PHF11: variants seen among roughly 807,000 people sequenced by gnomAD.
The protein encoded by PHF11 is BRCA1 C-terminus-associated protein.
A neutral mutation model predicts 40.5 loss-of-function variants in PHF11; 38 were observed. The ratio of observed to expected loss-of-function variants is 0.94; its 90% CI spans 0.72 to 1.23. PHF11 has a LOEUF of 1.23. Ranked by LOEUF, PHF11 falls within the 50% of genes most tolerant of loss-of-function variation. The probability of loss-of-function intolerance (pLI) is 0.00; values close to 1 mark genes in which losing one functional copy is unlikely to be tolerated. For missense variants in PHF11, 369 were observed against 392.4 expected, an observed-to-expected ratio of 0.94 and a Z score of 0.50; for synonymous variants, 127 against 138.2, an observed-to-expected ratio of 0.92 and a Z score of 0.57.
At chr13:49,516,117 G>C (rs1160694128) in intron 3 of PHF11, among the ~76,000 whole-genome samples, 1 of 152,102 alleles carries the variant, frequency 6.6e-6, no homozygotes. Context: ...CCTCCTTAGA[G>C]GTGACCCATT....
intron 8 of PHF11, among the ~76,000 whole-genome samples, chr13:49,524,566 C>CT (rs1188883178): frequency 6.6e-6 from 1 of 151,784 alleles, no homozygotes; most frequent in Non-Finnish European, 1.5e-5. Flanking sequence ...CCTCTGCCTC[C>CT]CAAGTTCAAG....
intron 1 of PHF11, among the ~76,000 whole-genome samples, chr13:49,506,235 A>G (rs1486865295): frequency 7.1e-6 from 1 of 140,838 alleles, no homozygotes; most frequent in Admixed American, 7.1e-5. Flanking sequence ...CCGGTCTCTA[A>G]AAAAAAAAAA....
intron 9 of PHF11, 149 bp from the exon 10 acceptor site, chr13:49,528,362 A>T: frequency 1.7e-6 from 1 of 572,936 alleles, no homozygotes; most frequent in Non-Finnish European, 3.0e-6. Context: ...TAAAGAAACC[A>T]GCTCCTGCCC....
chr13:49,521,545 C>T (rs1036897433), intron 5 of PHF11: 103 of 945,688 alleles, frequency 1.1e-4, no homozygotes, highest in Non-Finnish European at 1.2e-4. Flanking sequence ...ATTTTTCAGT[C>T]GTTACCCTTT....
In PHF11 at chr13:49,524,137, T is replaced by A; in HGVS notation, c.690T>A (p.Leu230=). ...FLKKCKEAGL[L]NYLLEEILDK... is the part of the protein sequence containing the mutation. The stretch of plus-strand genomic sequence containing the variant: ...AGAAATGCAAGGAAGCAGGACTTCT[T>A]AATTACTTACTTGAAGAAATATTAG... Residue 230 remains leucine, a synonymous_variant, in exon 8 of 10, where the codon CTT becomes CTA. Transcript: ENST00000378319. The A allele has an allele frequency of 6.2e-7, 1 of 1,605,152 alleles. No homozygotes were observed.
intron 1 of PHF11, among the ~76,000 whole-genome samples, chr13:49,497,827 A>G (rs1958838073): frequency 6.6e-6 from 1 of 152,108 alleles, no homozygotes; most frequent in Non-Finnish European, 1.5e-5. Context: ...TAAGCCACCA[A>G]AGCTGTCCCT....
At chr13:49,514,663 TAGG>T (rs1959127222) in intron 3 of PHF11, among the ~76,000 whole-genome samples, 1 of 150,660 alleles carries the variant, frequency 6.6e-6, no homozygotes, top group African/African-American at 2.4e-5. Context: ...GAGGCTGAGG[TAGG>T]AGGATTGGGT....
rs148381450 is a variant in PHF11 at position 49,525,439 on chromosome 13, A to G, written c.770-948A>G. ...ATTTTTGTATTTTTAGTAGAGATGG[A>G]GTTTCACCATGTTGGCCAGGCTGGT... is the stretch of plus-strand genomic sequence containing the variant. On this transcript the variant is annotated intron_variant, in intron 8 of 9. Coordinates refer to ENST00000378319, the MANE Select transcript of PHF11 (RefSeq NM_001040443.3). Among the ~76,000 whole-genome samples, 34 of 151,826 alleles carry G rather than the reference A, an allele frequency of 2.2e-4. No individual in the cohort carries two copies. In the East Asian group the frequency reaches 6.0e-3, roughly 27 times the overall value.
At chr13:49,523,710 A>G (rs1318297317) in intron 7 of PHF11, 1 of 208,452 alleles carries the variant, frequency 4.8e-6, no homozygotes, top group African/African-American at 2.4e-5. Context: ...TGCTCAGGTG[A>G]CAGGTGCACC....
intron 2 of PHF11, among the ~76,000 whole-genome samples, chr13:49,509,694 C>T (rs1959057837): frequency 1.3e-5 from 2 of 152,096 alleles, no homozygotes; most frequent in Non-Finnish European, 2.9e-5. Context: ...CTCATGAAAT[C>T]TGATGGTTTT....
rs114588402 is a variant in PHF11 at position 49,521,026 on chromosome 13, G to A, written c.505+86G>A. On this transcript the variant is annotated intron_variant, in intron 5 of 9. Coordinates refer to ENST00000378319, the MANE Select transcript of PHF11 (RefSeq NM_001040443.3). ...AGGAATAGTCTAATTTTCTAGCCTC[G>A]TTGAATTAAAATACAAATGTTTGAG... 7.3e-4 allele frequency: 1,058 copies of A among 1,451,306 alleles called. 6 individuals are homozygous for A. In the African/African-American group the frequency reaches 0.013, roughly 18 times the overall value. 89.9% of individuals were successfully genotyped at this position (1,451,306 alleles called of 1,614,324 possible).
chr13:49,526,236 T>C lies in PHF11; in HGVS notation c.770-151T>C, dbSNP rs1007680642. On this transcript the variant is annotated intron_variant, in intron 8 of 9. Transcript: ENST00000378319. Reference sequence around the variant, plus strand: ...AATTACATTTCTGACAGCTTCCCTGTAGTGCTGCTGCTGCTGTTGCCATCT... The same window carrying C: ...AATTACATTTCTGACAGCTTCCCTGCAGTGCTGCTGCTGCTGTTGCCATCT... 6.6e-6 allele frequency: 4 copies of C among 609,800 alleles called. No individual in the cohort carries two copies. The African/African-American group carries it at 7.5e-5, about 11-fold the overall frequency. The allele number at this position is 609,800 out of a possible 1,614,324, so 37.8% of individuals were successfully genotyped here. A position where few individuals can be genotyped will look rare whatever the true frequency, so the allele number is the denominator to read the frequency against.
intron 3 of PHF11, 29 bp downstream of exon 3, chr13:49,513,195 C>A: frequency 9.5e-7 from 1 of 1,054,890 alleles, no homozygotes; most frequent in Non-Finnish European, 1.5e-6. Flanking sequence ...ATTTCTTATA[C>A]TGGATGAACA....
Position 49,506,671 on chromosome 13 carries a change from CAT to C in PHF11, c.132_133del (p.Ala46ThrfsTer9), listed in dbSNP as rs1463802858. On this transcript the variant is annotated frameshift_variant, in exon 2 of 10. Transcript: ENST00000378319. LOFTEE classifies it high-confidence loss of function. ...GTTGCAGAAAAGATGGAAAAAAGGACATGTGCACTCTGCCCCAAAGATGTCGA... is the reference window on the plus strand; with the variant it reads ...GTTGCAGAAAAGATGGAAAAAAGGACGTGCACTCTGCCCCAAAGATGTCGA... 1.2e-6 allele frequency: 2 copies of C among 1,610,886 alleles called. No individual in the cohort carries two copies. The highest frequency in any genetic ancestry group is 2.2e-5 in the South Asian group (2 of 91,014).
At chr13:49,521,298 A>C (rs1192524741) in intron 5 of PHF11, 1 of 1,000,548 alleles carries the variant, frequency 1.0e-6, no homozygotes, top group East Asian at 1.0e-4. Flanking sequence ...CCCTGAGTGA[A>C]AATTCCCTAA....
intron 3 of PHF11, among the ~76,000 whole-genome samples, chr13:49,513,677 G>A (rs545389614): frequency 6.6e-6 from 1 of 152,298 alleles, no homozygotes; most frequent in East Asian, 1.9e-4. Context: ...CACCAGTAAA[G>A]TGATCTGAGT....
At chr13:49,520,610 C>T (rs1362072277) in intron 4 of PHF11, among the ~76,000 whole-genome samples, 2 of 152,010 alleles carry the variant, frequency 1.3e-5, no homozygotes, top group African/African-American at 2.4e-5. Flanking sequence ...TCTCACTGAC[C>T]ACTGTATATG....
intron 8 of PHF11, chr13:49,525,885 G>A: frequency 2.3e-6 from 1 of 436,602 alleles, no homozygotes; most frequent in Non-Finnish European, 4.6e-6. Context: ...CCAAGAATTG[G>A]GGGCCAGGCG....
At chr13:49,525,797 C>G in intron 8 of PHF11, 1 of 456,290 alleles carries the variant, frequency 2.2e-6, no homozygotes, top group Non-Finnish European at 4.4e-6. Context: ...AAACAGTGTG[C>G]CTGAGAACCA....
Sources: gnomAD v4.1 joint callset for allele counts (sites outside exome capture counted in the v4.1 genomes callset) on GRCh38, gnomAD v4.1.1 for gene constraint, MANE v1.5 for transcripts, NCBI Gene and HGNC (gene_info 2026-07-23, HGNC 2026-07-21) for gene names.